The following DNAJC6 variants were observed in gnomAD, a reference collection of about 807,000 sequenced individuals.
DNAJC6 encodes the protein auxilin.
A neutral mutation model predicts 110.0 loss-of-function variants in DNAJC6; 34 were observed. The ratio of observed to expected loss-of-function variants is 0.31; its 90% CI spans 0.24 to 0.41. The LOEUF is 0.41. Ranked by LOEUF, DNAJC6 falls within the 10% of genes least tolerant of loss-of-function variation. DNAJC6 has a pLI of 1.00. For missense variants in DNAJC6, 1,031 were observed against 1,207.8 expected, an observed-to-expected ratio of 0.85 and a Z score of 2.17; for synonymous variants, 406 against 437.2, an observed-to-expected ratio of 0.93 and a Z score of 0.89.
chr1:65,371,039 A>G (rs1205068919), intron 4 of DNAJC6, among the ~76,000 whole-genome samples: 1 of 152,162 alleles, frequency 6.6e-6, no homozygotes, highest in African/African-American at 2.4e-5. Flanking sequence ...GGGCCAGAGG[A>G]CCAGAGACTC....
chr1:65,387,067 G>C (rs1004761403), intron 8 of DNAJC6, 138 bp downstream of exon 8: 12 of 732,172 alleles, frequency 1.6e-5, no homozygotes, highest in Non-Finnish European at 2.6e-5. Context: ...AGATTGCTTA[G>C]CTCACCTCCT....
At chr1:65,324,353 GTTTGT>G (rs1227104769) in intron 1 of DNAJC6, among the ~76,000 whole-genome samples, 1 of 150,606 alleles carries the variant, frequency 6.6e-6, no homozygotes, top group Non-Finnish European at 1.5e-5. Flanking sequence ...AGTTTTTTTT[GTTTGT>G]TTTGTTTTGT....
chr1:65,400,230 G>A (rs1182715282), intron 14 of DNAJC6, among the ~76,000 whole-genome samples: 11 of 152,152 alleles, frequency 7.2e-5, no homozygotes, highest in East Asian at 5.8e-4. Flanking sequence ...TGTATTTGTC[G>A]TGTACAATAT....
chr1:65,406,111 T>C lies in DNAJC6; in HGVS notation c.2469T>C (p.Arg823=). Residue 823 remains arginine (R), a synonymous_variant, in exon 16 of 19, where the codon CGT becomes CGC. Transcript: ENST00000371069. ...FSAMPGGQNE[R]GKGSSNLEGK... ...CCATGCCTGGGGGCCAGAACGAACG[T>C]GGGAAAGGATCAAGTAATTTGGGTA... 6.2e-7 allele frequency: 1 copy of C among 1,613,874 alleles called. No individual in the cohort carries two copies. The highest frequency in any genetic ancestry group is 8.5e-7 in the Non-Finnish European group (1 of 1,179,932).
chr1:65,279,099 A>T (rs941633949), intron 1 of DNAJC6: 7 of 985,320 alleles, frequency 7.1e-6, no homozygotes, highest in Non-Finnish European at 8.4e-6. Flanking sequence ...GTGCCTGTGA[A>T]ATCTAACAAG....
intron 1 of DNAJC6, among the ~76,000 whole-genome samples, chr1:65,296,917 C>G (rs1255546318): frequency 5.3e-5 from 8 of 152,234 alleles, no homozygotes; most frequent in Middle Eastern, 3.4e-3. Context: ...GGCATCTACC[C>G]TGTGTCAGGC....
intron 8 of DNAJC6, among the ~76,000 whole-genome samples, chr1:65,388,043 G>A (rs1645889028): frequency 6.6e-6 from 1 of 152,182 alleles, no homozygotes; most frequent in Non-Finnish European, 1.5e-5. Flanking sequence ...AGTTCATTGG[G>A]TTGGAACAGG....
At chr1:65,361,295 C>A (rs977748244) in intron 1 of DNAJC6, among the ~76,000 whole-genome samples, 1 of 152,212 alleles carries the variant, frequency 6.6e-6, no homozygotes, top group African/African-American at 2.4e-5. Flanking sequence ...TATGTCCATT[C>A]ATTGTTTGTT....
chr1:65,341,331 C>T (rs1645387536), intron 1 of DNAJC6, among the ~76,000 whole-genome samples: 1 of 152,144 alleles, frequency 6.6e-6, no homozygotes, highest in South Asian at 2.1e-4. Context: ...GCAGAGGACA[C>T]ATTGTTCATG....
chr1:65,382,366 T>G (rs1645830215), intron 5 of DNAJC6, among the ~76,000 whole-genome samples: 2 of 152,210 alleles, frequency 1.3e-5, no homozygotes, highest in Admixed American at 1.3e-4. Context: ...AGGTGATTAA[T>G]GGATCACCTT....
chr1:65,272,430 C>T (rs1557492001), intron 1 of DNAJC6, among the ~76,000 whole-genome samples: 1 of 152,168 alleles, frequency 6.6e-6, no homozygotes, highest in Non-Finnish European at 1.5e-5. Flanking sequence ...CTGTATTTGA[C>T]TTGCTAATAT....
chr1:65,296,056 C>T (rs2101250040), intron 1 of DNAJC6, among the ~76,000 whole-genome samples: 1 of 152,308 alleles, frequency 6.6e-6, no homozygotes, highest in South Asian at 2.1e-4. Context: ...CAGTCTTCTG[C>T]CTTCTTTTGA....
intron 1 of DNAJC6, among the ~76,000 whole-genome samples, chr1:65,343,923 G>C (rs2101494214): frequency 6.6e-6 from 1 of 152,274 alleles, no homozygotes; most frequent in African/African-American, 2.4e-5. Flanking sequence ...AAAGGCTTCA[G>C]TTTGTGAGTG....
Position 65,413,199 on chromosome 1 carries a change from C to G in DNAJC6, c.*174C>G, listed in dbSNP as rs9436293. 2 of 561,040 alleles carry G rather than the reference C, an allele frequency of 3.6e-6. No homozygotes were observed. Among genetic ancestry groups the G allele is most frequent in the African/African-American group, 1.9e-5 (1 of 51,722 alleles). The allele number at this position is 561,040 out of a possible 1,614,324, so 34.8% of individuals were successfully genotyped here. The stretch of plus-strand genomic sequence containing the variant: ...TAAGGAATGTGGATGTTTGGTTTCT[C>G]CAAAGTTCCCACCATAAAAGATCCA... On this transcript the variant is annotated 3_prime_UTR_variant, in exon 19 of 19. Coordinates refer to ENST00000371069, the MANE Select transcript of DNAJC6 (RefSeq NM_001256864.2).
At chr1:65,411,753 C>T (rs992283302) in intron 18 of DNAJC6, among the ~76,000 whole-genome samples, 12 of 151,762 alleles carry the variant, frequency 7.9e-5, no homozygotes, top group African/African-American at 2.2e-4. Flanking sequence ...GCGAATCGCT[C>T]GAGCCCTCAA....
At chr1:65,369,677 A>T (rs1431775296) in intron 4 of DNAJC6, among the ~76,000 whole-genome samples, 4 of 152,100 alleles carry the variant, frequency 2.6e-5, no homozygotes, top group Non-Finnish European at 5.9e-5. Context: ...TTACATGATG[A>T]TTATGTGATT....
intron 1 of DNAJC6, among the ~76,000 whole-genome samples, chr1:65,358,669 T>C (rs1645570530): frequency 6.6e-6 from 1 of 152,224 alleles, no homozygotes. Flanking sequence ...CTGCTTATTT[T>C]ACATTTAGCC....
intron 1 of DNAJC6, among the ~76,000 whole-genome samples, chr1:65,355,264 C>CAAAAAAAAAAAAAA (rs58338708): frequency 5.9e-5 from 5 of 84,232 alleles, no homozygotes; most frequent in African/African-American, 2.4e-4. Flanking sequence ...CACCCTGTCT[C>CAAAAAAAAAAAAAA]AAAAAAAAAA....
chr1:65,287,874 G>C (rs1419703460), intron 1 of DNAJC6, among the ~76,000 whole-genome samples: 2 of 152,150 alleles, frequency 1.3e-5, no homozygotes, highest in East Asian at 3.8e-4. Flanking sequence ...AAAGTGTCGG[G>C]ATAACAGGCA....
Sources: allele counts gnomAD v4.1 joint callset (sites outside exome capture counted in the v4.1 genomes callset), GRCh38; gene constraint gnomAD v4.1.1; transcripts MANE v1.5; gene names NCBI Gene and HGNC (gene_info 2026-07-23, HGNC 2026-07-21).